The following FHIP1A variants were observed in gnomAD, a reference collection of about 807,000 sequenced individuals.
FHIP1A encodes the protein FHF complex subunit HOOK-interacting protein 1A.
A neutral mutation model predicts 88.6 loss-of-function variants in FHIP1A; 61 were observed. That is an observed-to-expected ratio of 0.69 (90% CI 0.56 to 0.85). FHIP1A has a LOEUF of 0.85. Among genes scored for constraint, FHIP1A ranks in the 40% least tolerant of loss-of-function variants. The pLI, the probability that FHIP1A is intolerant of heterozygous loss-of-function variation, is 0.00. For synonymous variants in FHIP1A, 478 were observed against 496.0 expected, an observed-to-expected ratio of 0.96 and a Z score of 0.48; for missense variants, 1,154 against 1,273.5, an observed-to-expected ratio of 0.91 and a Z score of 1.43.
chr4:151,619,926 C>T (rs1735672798), intron 7 of FHIP1A, among the ~76,000 whole-genome samples: 1 of 152,066 alleles, frequency 6.6e-6, no homozygotes, highest in African/African-American at 2.4e-5. Flanking sequence ...ACTCACTAGC[C>T]AAAACATACA....
chr4:151,656,631 G>C lies in FHIP1A; in HGVS notation c.2731-129G>C. 8.8e-7 allele frequency: 1 copy of C among 1,138,510 alleles called. No homozygotes were observed. 70.5% of individuals were successfully genotyped at this position (1,138,510 alleles called of 1,614,324 possible). Reference sequence around the variant, plus strand: ...GTGCCCTACGCAGAACACCCAGGCAGTTAAAAATGAACAAATGTCTAACAT... The same window carrying C: ...GTGCCCTACGCAGAACACCCAGGCACTTAAAAATGAACAAATGTCTAACAT... On this transcript the variant is annotated intron_variant, in intron 12 of 13. Coordinates refer to ENST00000435205, the MANE Select transcript of FHIP1A (RefSeq NM_001109977.3). This position sits in a 1 kb window ranked among gnomAD's most constrained non-coding sequence, Gnocchi z 4.2.
intron 3 of FHIP1A, among the ~76,000 whole-genome samples, chr4:151,504,469 T>C (rs1178493631): frequency 6.6e-6 from 1 of 152,216 alleles, no homozygotes; most frequent in Non-Finnish European, 1.5e-5. Context: ...AGTATATTAC[T>C]CAGGATGTTT....
At chr4:151,614,213 A>G (rs1316678401) in intron 7 of FHIP1A, among the ~76,000 whole-genome samples, 1 of 152,046 alleles carries the variant, frequency 6.6e-6, no homozygotes, top group Admixed American at 6.5e-5. Context: ...TCATGCCTCT[A>G]ATCCCAGCAC....
intron 13 of FHIP1A, among the ~76,000 whole-genome samples, chr4:151,659,378 A>T (rs1737368918): frequency 6.6e-6 from 1 of 152,190 alleles, no homozygotes; most frequent in African/African-American, 2.4e-5. Flanking sequence ...TTTCCTGTAA[A>T]TGAGTCAAAT....
At chr4:151,595,287 A>G (rs1438764913) in intron 7 of FHIP1A, among the ~76,000 whole-genome samples, 1 of 152,280 alleles carries the variant, frequency 6.6e-6, no homozygotes, top group Admixed American at 6.5e-5. Flanking sequence ...TTATTTACCC[A>G]GTAGTTATTC....
At chr4:151,610,807 T>C (rs1735294155) in intron 7 of FHIP1A, among the ~76,000 whole-genome samples, 1 of 152,192 alleles carries the variant, frequency 6.6e-6, no homozygotes, top group Non-Finnish European at 1.5e-5. Context: ...TTCACTTCTC[T>C]AGAGTTTGCT....
At chr4:151,507,441 A>G (rs532560772) in intron 3 of FHIP1A, among the ~76,000 whole-genome samples, 1 of 152,366 alleles carries the variant, frequency 6.6e-6, no homozygotes, top group South Asian at 2.1e-4. Context: ...ATAAGAAAAA[A>G]TGTGAAAAGT....
Position 151,573,183 on chromosome 4 carries a change from C to T in FHIP1A, c.106-4267C>T, listed in dbSNP as rs577428036. On this transcript the variant is annotated intron_variant, in intron 4 of 13. Transcript: ENST00000435205. ...GATATTTTTAAGAGCATTGTTCACA[C>T]TGTTGATTTTTATGTGTTTCTTTCT... 1.1e-4 allele frequency among the ~76,000 whole-genome samples: 17 copies of T among 152,256 alleles called. No homozygotes were observed. In the East Asian group the frequency reaches 2.7e-3, roughly 24 times the overall value.
intron 3 of FHIP1A, among the ~76,000 whole-genome samples, chr4:151,508,009 G>A (rs777960475): frequency 6.6e-6 from 1 of 152,202 alleles, no homozygotes; most frequent in Non-Finnish European, 1.5e-5. Flanking sequence ...AATGAAAACT[G>A]AAGAGGCTAT....
At chr4:151,493,997 T>A (rs1730375318) in intron 3 of FHIP1A, among the ~76,000 whole-genome samples, 1 of 152,122 alleles carries the variant, frequency 6.6e-6, no homozygotes, top group African/African-American at 2.4e-5. Context: ...GACAAAGAAA[T>A]AAAGGGCATC....
chr4:151,605,586 G>A (rs1735042111), intron 7 of FHIP1A, among the ~76,000 whole-genome samples: 1 of 152,180 alleles, frequency 6.6e-6, no homozygotes, highest in Non-Finnish European at 1.5e-5. Flanking sequence ...CTTCTGTGCT[G>A]AAACCATGCT....
At chr4:151,427,983 G>A (rs1029388375) in intron 1 of FHIP1A, among the ~76,000 whole-genome samples, 1 of 152,064 alleles carries the variant, frequency 6.6e-6, no homozygotes, top group Non-Finnish European at 1.5e-5. Flanking sequence ...CCCAATTTAT[G>A]TACCCTATAA....
chr4:151,538,624 G>T (rs1043745917), intron 3 of FHIP1A, among the ~76,000 whole-genome samples: 1 of 152,098 alleles, frequency 6.6e-6, no homozygotes, highest in Non-Finnish European at 1.5e-5. Flanking sequence ...GATGTGGTTG[G>T]GTACTTCTGC....
At chr4:151,461,735 G>A (rs990872914) in intron 2 of FHIP1A, among the ~76,000 whole-genome samples, 1 of 152,230 alleles carries the variant, frequency 6.6e-6, no homozygotes, top group Non-Finnish European at 1.5e-5. Context: ...GGAAGTGGAA[G>A]ACTGTAGCAG....
intron 7 of FHIP1A, among the ~76,000 whole-genome samples, chr4:151,597,243 A>T (rs910391716): frequency 6.6e-6 from 1 of 152,082 alleles, no homozygotes; most frequent in Non-Finnish European, 1.5e-5. Flanking sequence ...TGTTGATGCC[A>T]TTCCTTTCTG....
At chr4:151,567,062 A>G (rs1447274137) in intron 4 of FHIP1A, among the ~76,000 whole-genome samples, 1 of 152,134 alleles carries the variant, frequency 6.6e-6, no homozygotes, top group Non-Finnish European at 1.5e-5. Flanking sequence ...TTACAAAGTG[A>G]TTATAAAATT....
Position 151,623,542 on chromosome 4 carries a change from T to C in FHIP1A, c.979-6160T>C, listed in dbSNP as rs1029506822. ...GGTCCTTTTTTTTTTTTTTTTTTTT[T>C]CGCCTCAATTTGGCTTATTTTAAAC... is the stretch of plus-strand genomic sequence containing the variant. On this transcript the variant is annotated intron_variant, in intron 7 of 13. Coordinates refer to ENST00000435205, the MANE Select transcript of FHIP1A (RefSeq NM_001109977.3). Among the ~76,000 whole-genome samples the C allele has an allele frequency of 1.7e-4, 22 of 128,238 alleles. 1 individual carries two copies. Among genetic ancestry groups the C allele is most frequent in the East Asian group, 1.1e-3 (4 of 3,654 alleles). The allele number at this position is 128,238 out of a possible 152,430, so 84.1% of individuals were successfully genotyped here.
chr4:151,547,109 T>C (rs963236094), intron 3 of FHIP1A, among the ~76,000 whole-genome samples: 4 of 152,318 alleles, frequency 2.6e-5, no homozygotes, highest in African/African-American at 9.6e-5. Context: ...CATGCTTTTG[T>C]GCAGTGGTAC....
chr4:151,487,204 T>C (rs1730119173), intron 3 of FHIP1A, among the ~76,000 whole-genome samples: 1 of 152,212 alleles, frequency 6.6e-6, no homozygotes, highest in Non-Finnish European at 1.5e-5. Context: ...GCCTGTTCCC[T>C]ATGGATGATG....
Sources: gnomAD v4.1 joint callset for allele counts (sites outside exome capture counted in the v4.1 genomes callset) on GRCh38, gnomAD v4.1.1 for gene constraint, Gnocchi (gnomAD v3.1) non-coding constraint, MANE v1.5 for transcripts, NCBI Gene and HGNC (gene_info 2026-07-23, HGNC 2026-07-21) for gene names.